The following RABGAP1L variants were observed in gnomAD, a reference collection of about 807,000 sequenced individuals.
RABGAP1L encodes the protein RAB GTPase activating protein 1 like.
Under a neutral mutation model 137.7 loss-of-function variants are expected in RABGAP1L, and 63 were observed. That is an observed-to-expected ratio of 0.46 (90% CI 0.37 to 0.56). The LOEUF is 0.56. RABGAP1L is among the 20% of genes least tolerant of loss of function. The pLI is 0.00. For missense variants in RABGAP1L, 1,095 were observed against 1,244.0 expected (o/e 0.88, Z 1.80); for synonymous variants, 431 against 433.7 (o/e 0.99, Z 0.08).
intron 13 of RABGAP1L, among the ~76,000 whole-genome samples, chr1:174,496,810 G>T (rs906962877): frequency 6.6e-6 from 1 of 152,176 alleles, no homozygotes; most frequent in African/African-American, 2.4e-5. Context: ...TTTATGGAAA[G>T]ATTGTTTGCC....
chr1:174,268,994 C>CTCGGCTCACACAAGCT (rs943526806), intron 7 of RABGAP1L, among the ~76,000 whole-genome samples: 5 of 152,020 alleles, frequency 3.3e-5, no homozygotes, highest in African/African-American at 7.2e-5. Flanking sequence ...GTGGCGCAGT[C>CTCGGCTCACACAAGCT]TCGGCTCACA....
At chr1:174,678,718 G>A (rs1677829949) in intron 14 of RABGAP1L, among the ~76,000 whole-genome samples, 1 of 152,162 alleles carries the variant, frequency 6.6e-6, no homozygotes, top group Non-Finnish European at 1.5e-5. Flanking sequence ...TGGCCTCACG[G>A]CTTCCAAGAA....
At chr1:174,247,901 T>G (rs1672397512) in intron 5 of RABGAP1L, among the ~76,000 whole-genome samples, 1 of 152,130 alleles carries the variant, frequency 6.6e-6, no homozygotes, top group Admixed American at 6.5e-5. Context: ...GCTTTTTTTT[T>G]GCCCTTGTTT....
At chr1:174,586,820 T>A (rs1669152075) in intron 13 of RABGAP1L, among the ~76,000 whole-genome samples, 3 of 152,290 alleles carry the variant, frequency 2.0e-5, no homozygotes, top group Non-Finnish European at 4.4e-5. Context: ...GATCTCGAAC[T>A]CTTGGCCTCA....
intron 14 of RABGAP1L, among the ~76,000 whole-genome samples, chr1:174,656,863 T>G (rs573922925): frequency 6.6e-6 from 1 of 152,322 alleles, no homozygotes; most frequent in African/African-American, 2.4e-5. Context: ...TCTGTGTGTG[T>G]TTGAACATGC....
chr1:174,862,105 C>T (rs1401186264), intron 19 of RABGAP1L, among the ~76,000 whole-genome samples: 2 of 152,070 alleles, frequency 1.3e-5, no homozygotes, highest in South Asian at 2.1e-4. Context: ...AAATATTTCA[C>T]GTTAATGTTT....
At chr1:174,511,709 G>T (rs867398263) in intron 13 of RABGAP1L, among the ~76,000 whole-genome samples, 1 of 150,202 alleles carries the variant, frequency 6.7e-6, no homozygotes, top group African/African-American at 2.5e-5. Flanking sequence ...CACAACCTCC[G>T]CCTCCCAGGT....
chr1:174,967,517 G>A (rs113666729), intron 20 of RABGAP1L, among the ~76,000 whole-genome samples: 23 of 151,756 alleles, frequency 1.5e-4, no homozygotes, highest in African/African-American at 4.8e-4. Flanking sequence ...TTTGTGTTTT[G>A]TTTTAGTGGA....
At chr1:174,384,464 T>G (rs982881440) in intron 12 of RABGAP1L, among the ~76,000 whole-genome samples, 2 of 151,786 alleles carry the variant, frequency 1.3e-5, no homozygotes, top group African/African-American at 4.8e-5. Context: ...AAGCCCTGAG[T>G]TTTAACTGCA....
At chr1:174,854,081 T>C (rs1488356318) in intron 19 of RABGAP1L, among the ~76,000 whole-genome samples, 1 of 152,196 alleles carries the variant, frequency 6.6e-6, no homozygotes, top group Non-Finnish European at 1.5e-5. Flanking sequence ...GATTGCAGGC[T>C]GCCCATAGTA....
chr1:174,526,644 T>C (rs528636503), intron 13 of RABGAP1L, among the ~76,000 whole-genome samples: 25 of 152,230 alleles, frequency 1.6e-4, no homozygotes, highest in Admixed American at 1.0e-3. Context: ...AATAGTCTAT[T>C]ATGATCTTTT....
In RABGAP1L at chr1:174,962,204, C is replaced by CA. The variant is rs200396709; in HGVS notation, c.2433+4655_2433+4656insA. On this transcript the variant is annotated intron_variant, in intron 20 of 25. Coordinates refer to ENST00000681986, the MANE Select transcript of RABGAP1L (RefSeq NM_001366446.1). ...AATAAAAATAAAAATACACCCCCCC[C>CA]CCACACACACACACAGCTAGTTAAT... Among the ~76,000 whole-genome samples, 7 of 125,652 alleles carry CA rather than the reference C, an allele frequency of 5.6e-5. 1 individual carries two copies. The South Asian group carries it at 1.1e-3, about 20-fold the overall frequency. 82.4% of individuals were successfully genotyped at this position (125,652 alleles called of 152,430 possible). A position where few individuals can be genotyped will look rare whatever the true frequency, so the allele number is the denominator to read the frequency against.
intron 13 of RABGAP1L, among the ~76,000 whole-genome samples, chr1:174,462,622 G>T (rs1438912891): frequency 6.6e-6 from 1 of 152,114 alleles, no homozygotes; most frequent in African/African-American, 2.4e-5. Context: ...GGGTAGGAAT[G>T]ATCTCATCAC....
intron 11 of RABGAP1L, among the ~76,000 whole-genome samples, chr1:174,314,544 G>T (rs545503531): frequency 6.6e-6 from 1 of 151,694 alleles, no homozygotes; most frequent in African/African-American, 2.4e-5. Flanking sequence ...ACTAATTTTG[G>T]GTTTGGTTTG....
At chr1:174,582,613 G>T (rs1668824164) in intron 13 of RABGAP1L, among the ~76,000 whole-genome samples, 1 of 152,172 alleles carries the variant, frequency 6.6e-6, no homozygotes, top group African/African-American at 2.4e-5. Flanking sequence ...GTTTAGCTTT[G>T]TCAGTCGCTG....
chr1:174,505,056 A>G (rs1009149125), intron 13 of RABGAP1L, among the ~76,000 whole-genome samples: 6 of 152,182 alleles, frequency 3.9e-5, no homozygotes, highest in South Asian at 2.1e-4. Flanking sequence ...AAATACCTGA[A>G]TAGACACTTC....
intron 18 of RABGAP1L, among the ~76,000 whole-genome samples, chr1:174,782,164 C>A (rs1687064169): frequency 6.6e-6 from 1 of 152,110 alleles, no homozygotes; most frequent in African/African-American, 2.4e-5. Flanking sequence ...GGCAGTATGG[C>A]CATTTTCATG....
At chr1:174,719,187 T>C (rs1357378634) in intron 17 of RABGAP1L, among the ~76,000 whole-genome samples, 4 of 152,168 alleles carry the variant, frequency 2.6e-5, no homozygotes, top group Non-Finnish European at 5.9e-5. Context: ...GTATTAAAAA[T>C]GAATTTTTAA....
chr1:174,231,502 T>C (rs900528501), intron 4 of RABGAP1L, 147 bp downstream of exon 4: 1 of 733,618 alleles, frequency 1.4e-6, no homozygotes, highest in Non-Finnish European at 2.3e-6. Flanking sequence ...ACTGTGTTCA[T>C]TGTTTGAAAG....
Sources: allele counts gnomAD v4.1 joint callset (sites outside exome capture counted in the v4.1 genomes callset), GRCh38; gene constraint gnomAD v4.1.1; transcripts MANE v1.5; gene names NCBI Gene and HGNC (gene_info 2026-07-23, HGNC 2026-07-21).